GJA3: variants seen among roughly 807,000 people sequenced by gnomAD.
The protein encoded by GJA3 is gap junction alpha-3 protein.
For missense variants in GJA3, 571 were observed against 620.3 expected (o/e 0.92, Z 0.84); for synonymous variants, 297 against 292.6 (o/e 1.02, Z -0.15).
At chr13:20,148,822 G>A (rs899627250) in intron 1 of GJA3, among the ~76,000 whole-genome samples, 1 of 152,208 alleles carries the variant, frequency 6.6e-6, no homozygotes, top group Non-Finnish European at 1.5e-5. Context: ...CAAGGTGCAC[G>A]CGACCTAATG....
At chr13:20,152,750 G>A (rs1286286919) in intron 1 of GJA3, among the ~76,000 whole-genome samples, 1 of 152,134 alleles carries the variant, frequency 6.6e-6, no homozygotes, top group Non-Finnish European at 1.5e-5. Flanking sequence ...GTAAAGCTAG[G>A]TAAATTAATT....
chr13:20,159,453 T>A, intron 1 of GJA3, among the ~76,000 whole-genome samples: 1 of 53,410 alleles, frequency 1.9e-5, no homozygotes. Flanking sequence ...CGAGACTCCA[T>A]CTCAAAAAAA....
At chr13:20,149,236 GTA>G (rs1958862205) in intron 1 of GJA3, among the ~76,000 whole-genome samples, 1 of 152,072 alleles carries the variant, frequency 6.6e-6, no homozygotes, top group African/African-American at 2.4e-5. Flanking sequence ...GCTCACACCT[GTA>G]ATCTCTGCAC....
chr13:20,149,285 G>C (rs1431914809), intron 1 of GJA3, among the ~76,000 whole-genome samples: 1 of 152,058 alleles, frequency 6.6e-6, no homozygotes, highest in East Asian at 1.9e-4. Context: ...TTGAGCCCAG[G>C]AGTTCAGGGG....
intron 1 of GJA3, among the ~76,000 whole-genome samples, chr13:20,150,087 G>C (rs1958867634): frequency 6.6e-6 from 1 of 152,204 alleles, no homozygotes; most frequent in Non-Finnish European, 1.5e-5. Context: ...ACTAGAGTCA[G>C]GGAATAAAAA....
At chr13:20,143,371 G>T in intron 1 of GJA3, 66 bp from the exon 2 acceptor site, 1 of 1,121,598 alleles carries the variant, frequency 8.9e-7, no homozygotes, top group Non-Finnish European at 1.2e-6. Context: ...GCACCCATGG[G>T]CGGCGGCAGC....
chr13:20,141,013 A>C lies in GJA3; in HGVS notation c.*968T>G, dbSNP rs1227996048. 5.9e-5 allele frequency: 9 copies of C among 152,388 alleles called. No individual in the cohort carries two copies. In the East Asian group the frequency reaches 1.7e-3, roughly 29 times the overall value. The allele number at this position is 152,388 out of a possible 1,614,324, so 9.4% of individuals were successfully genotyped here. ...TTATAATTAGGTGACTCATGAAATT[A>C]AAGAATTTCTTTTACAAGAAAGTTC... On this transcript the variant is annotated 3_prime_UTR_variant, in exon 2 of 2. Coordinates refer to ENST00000241125, the MANE Select transcript of GJA3 (RefSeq NM_021954.4).
rs144248275 is a variant in GJA3 at position 20,148,713 on chromosome 13, G to A, written c.-17-5408C>T. 5.2e-3 allele frequency among the ~76,000 whole-genome samples: 794 copies of A among 152,370 alleles called. 6 individuals carry two copies. Among genetic ancestry groups the A allele is most frequent in the Admixed American group, 8.4e-3 (129 of 15,312 alleles). On this transcript the variant is annotated intron_variant, in intron 1 of 1. Transcript: ENST00000241125. ...GACAGAGGCTGAGGTCAGGCAAGGCGCTGCTGAACCATGTGTCCTGAGTAC... is the reference window on the plus strand; with the variant it reads ...GACAGAGGCTGAGGTCAGGCAAGGCACTGCTGAACCATGTGTCCTGAGTAC...
upstream of GJA3, among the ~76,000 whole-genome samples, chr13:20,161,412 C>G (rs1267734726): frequency 1.3e-5 from 2 of 152,022 alleles, no homozygotes; most frequent in African/African-American, 4.8e-5. Context: ...CACGCAGATG[C>G]GCCAGCCCGC....
chr13:20,143,651 A>G (rs1958826792), intron 1 of GJA3, among the ~76,000 whole-genome samples: 1 of 152,172 alleles, frequency 6.6e-6, no homozygotes, highest in Admixed American at 6.5e-5. Flanking sequence ...CTGAATCATG[A>G]CCTTTCTGTT....
chr13:20,138,706 A>G lies in GJA3; in HGVS notation c.*3275T>C, dbSNP rs1958790587. The G allele has an allele frequency of 6.6e-6, 1 of 152,268 alleles. No homozygotes were observed. Among genetic ancestry groups the G allele is most frequent in the Non-Finnish European group, 1.5e-5 (1 of 68,038 alleles). 9.4% of individuals were successfully genotyped at this position (152,268 alleles called of 1,614,324 possible). A position where few individuals can be genotyped will look rare whatever the true frequency, so the allele number is the denominator to read the frequency against. On this transcript the variant is annotated 3_prime_UTR_variant, in exon 2 of 2. Coordinates refer to ENST00000241125, the MANE Select transcript of GJA3 (RefSeq NM_021954.4). ...AGGACTCTATTCATCTTTGGAAAAC[A>G]CATTTACTCTCTTAAATCATGCAAT...
chr13:20,158,912 C>CAAAAAAAAAAAAA (rs1159654355), intron 1 of GJA3, among the ~76,000 whole-genome samples: 156 of 54,922 alleles, frequency 2.8e-3, no homozygotes, highest in African/African-American at 3.8e-3. Flanking sequence ...GCAAAACTCT[C>CAAAAAAAAAAAAA]AAAAAAAAAA....
intron 1 of GJA3, among the ~76,000 whole-genome samples, chr13:20,148,098 G>A (rs1593336518): frequency 6.6e-6 from 1 of 150,818 alleles, no homozygotes; most frequent in Non-Finnish European, 1.5e-5. Flanking sequence ...CCAGAACACA[G>A]ACAATCTATC....
chr13:20,157,745 A>C (rs1450551141), intron 1 of GJA3, among the ~76,000 whole-genome samples: 1 of 152,204 alleles, frequency 6.6e-6, no homozygotes, highest in Non-Finnish European at 1.5e-5. Flanking sequence ...GCTGGAGTAC[A>C]TGTTAAGCTT....
intron 1 of GJA3, among the ~76,000 whole-genome samples, chr13:20,154,502 T>C (rs1958897197): frequency 6.6e-6 from 1 of 152,250 alleles, no homozygotes; most frequent in African/African-American, 2.4e-5. Context: ...TAATCTACTC[T>C]TAAGGATAAA....
At chr13:20,146,681 T>A (rs1016256294) in intron 1 of GJA3, among the ~76,000 whole-genome samples, 1 of 152,220 alleles carries the variant, frequency 6.6e-6, no homozygotes, top group African/African-American at 2.4e-5. Context: ...ACACCAGGGA[T>A]CTGTGTGGAT....
chr13:20,151,724 G>A (rs946031384), intron 1 of GJA3, among the ~76,000 whole-genome samples: 1 of 152,128 alleles, frequency 6.6e-6, no homozygotes, highest in Non-Finnish European at 1.5e-5. Flanking sequence ...AGCTGAGGCG[G>A]GGGAGGCAGA....
intron 1 of GJA3, among the ~76,000 whole-genome samples, chr13:20,145,206 A>T (rs1197980241): frequency 6.6e-6 from 1 of 152,126 alleles, no homozygotes; most frequent in Non-Finnish European, 1.5e-5. Context: ...TTAAATATTA[A>T]TTTTTATGAA....
intron 1 of GJA3, among the ~76,000 whole-genome samples, chr13:20,154,737 C>G (rs1958898312): frequency 6.6e-6 from 1 of 152,118 alleles, no homozygotes; most frequent in African/African-American, 2.4e-5. Context: ...GTTCTGTTTT[C>G]AATTTTTTAA....
Sources: gnomAD v4.1 joint callset for allele counts (sites outside exome capture counted in the v4.1 genomes callset) on GRCh38, gnomAD v4.1.1 for gene constraint, MANE v1.5 for transcripts, NCBI Gene and HGNC (gene_info 2026-07-23, HGNC 2026-07-21) for gene names.